LEPR: variants seen among roughly 807,000 people sequenced by gnomAD.
LEPR encodes the protein leptin receptor.
Under a neutral mutation model 114.7 loss-of-function variants are expected in LEPR, and 56 were observed. The ratio of observed to expected loss-of-function variants is 0.49; its 90% CI spans 0.39 to 0.61. The LOEUF (loss-of-function observed/expected upper bound fraction) is 0.61, where lower values mean the gene tolerates loss of function less well. LEPR is among the 20% of genes least tolerant of loss of function. The pLI, the probability that LEPR is intolerant of heterozygous loss-of-function variation, is 0.00. For synonymous variants in LEPR, 443 were observed against 461.4 expected (o/e 0.96, Z 0.51); for missense variants, 1,202 against 1,352.9 (o/e 0.89, Z 1.75).
At chr1:65,444,248 T>C (rs920067411) in intron 2 of LEPR, among the ~76,000 whole-genome samples, 1 of 152,076 alleles carries the variant, frequency 6.6e-6, no homozygotes, top group Admixed American at 6.6e-5. Context: ...GTGAAACTTT[T>C]GCTGCATCTC....
intron 1 of LEPR, among the ~76,000 whole-genome samples, chr1:65,424,275 A>G (rs1646314443): frequency 1.3e-5 from 2 of 152,238 alleles, no homozygotes; most frequent in East Asian, 1.9e-4. Context: ...CATGAAAACA[A>G]TCTTCAAATA....
chr1:65,470,272 C>A (rs934099536), intron 2 of LEPR, among the ~76,000 whole-genome samples: 3 of 152,166 alleles, frequency 2.0e-5, no homozygotes, highest in Admixed American at 1.3e-4. Context: ...CCAAGGAGAT[C>A]AAGTATCATT....
At chr1:65,423,481 A>G (rs1047030317) in intron 1 of LEPR, among the ~76,000 whole-genome samples, 1 of 152,198 alleles carries the variant, frequency 6.6e-6, no homozygotes, top group Admixed American at 6.5e-5. Context: ...GACAGGCCTC[A>G]TGGAGGAGGG....
At chr1:65,480,003 C>T (rs1647202734) in intron 2 of LEPR, among the ~76,000 whole-genome samples, 1 of 152,146 alleles carries the variant, frequency 6.6e-6, no homozygotes, top group Non-Finnish European at 1.5e-5. Flanking sequence ...AAAACAGAAG[C>T]AGGCCAGAAG....
chr1:65,508,258 T>G (rs998195492), intron 2 of LEPR, among the ~76,000 whole-genome samples: 1 of 152,216 alleles, frequency 6.6e-6, no homozygotes, highest in African/African-American at 2.4e-5. Context: ...AAGAAATCAT[T>G]CCCCAGACCA....
At chr1:65,431,748 A>G in intron 2 of LEPR, 1 of 1,557,508 alleles carries the variant, frequency 6.4e-7, no homozygotes, top group Non-Finnish European at 8.7e-7. Context: ...TAGGGATTGC[A>G]AAGAGTACAA....
chr1:65,572,287 GTTGTTTTTTTTT>G (rs1654241529), intron 4 of LEPR, 27 bp from the exon 5 acceptor site: 1 of 975,502 alleles, frequency 1.0e-6, no homozygotes, highest in African/African-American at 2.6e-5. Flanking sequence ...ATTTCATGTA[GTTGTTTTTTTTT>G]TTTTTTTTTT....
At chr1:65,636,064 CTAGT>C in intron 19 of LEPR, 123 bp from the exon 20 acceptor site, 1 of 1,060,584 alleles carries the variant, frequency 9.4e-7, no homozygotes. Context: ...TAGTCAAAAA[CTAGT>C]TAATTTGTGG....
chr1:65,565,137 CTT>C (rs1055401647), intron 2 of LEPR, among the ~76,000 whole-genome samples: 5 of 152,060 alleles, frequency 3.3e-5, no homozygotes, highest in African/African-American at 1.2e-4. Flanking sequence ...AAGATAAAGA[CTT>C]TAGAAAACAG....
intron 2 of LEPR, among the ~76,000 whole-genome samples, chr1:65,538,987 G>A (rs1020553334): frequency 6.7e-6 from 1 of 149,548 alleles, no homozygotes; most frequent in African/African-American, 2.4e-5. Flanking sequence ...TTTTTTTCTG[G>A]AAGTACTGTT....
rs369046233 is a variant in LEPR at position 65,487,873 on chromosome 1, TTTTC to T, written c.-21+62512_-21+62515del. ...GTTAGGAACATTCCAATTCCACTCT[TTTTC>T]TTTCTTTCTTTCTTTCCTTTTCTTT... On this transcript the variant is annotated intron_variant, in intron 2 of 19. Coordinates refer to ENST00000349533, the MANE Select transcript of LEPR (RefSeq NM_002303.6). Among the ~76,000 whole-genome samples the T allele has an allele frequency of 1.7e-3, 252 of 151,870 alleles. 1 individual carries two copies. The highest frequency in any genetic ancestry group is 5.1e-3 in the East Asian group (26 of 5,086).
At chr1:65,626,189 G>C in intron 19 of LEPR, 1 of 1,607,274 alleles carries the variant, frequency 6.2e-7, no homozygotes, top group African/African-American at 1.3e-5. Flanking sequence ...TGTAGACTAC[G>C]TCCTACCTCG....
Position 65,601,848 on chromosome 1 carries a change from A to C in LEPR, c.1291A>C (p.Asn431His). 1 of 1,612,226 alleles carries C rather than the reference A, an allele frequency of 6.2e-7. No individual in the cohort carries two copies. The highest frequency in any genetic ancestry group is 8.5e-7 in the Non-Finnish European group (1 of 1,178,494). The change falls in exon 10 of 20, where the codon AAT (asparagine) becomes CAT (histidine). Residue 431 changes from asparagine (N) to histidine (H), a missense_variant. By Grantham distance (68) the Asn-to-His change is moderately conservative. Transcript: ENST00000349533. ...TTTTAATATGTTTCAAATAGATGTC[A>C]ATATCAATATCTCATGTGAAACTGA... is the stretch of plus-strand genomic sequence containing the variant. ...RYAELYVIDV[N>H]INISCETDGY... is the part of the protein sequence containing the mutation.
chr1:65,431,963 A>G, intron 2 of LEPR: 1 of 1,601,126 alleles, frequency 6.2e-7, no homozygotes, highest in Non-Finnish European at 8.5e-7. Context: ...TAGAACTCAT[A>G]CTATCTGTAT....
At chr1:65,598,831 T>G (rs1263051710) in intron 8 of LEPR, 27 bp downstream of exon 8, 2 of 1,612,766 alleles carry the variant, frequency 1.2e-6, no homozygotes, top group Non-Finnish European at 8.5e-7. Context: ...CCACTTCTAC[T>G]GGGAGGGAAA....
At chr1:65,598,542 G>C in intron 7 of LEPR, 118 bp from the exon 8 acceptor site, 1 of 1,441,200 alleles carries the variant, frequency 6.9e-7, no homozygotes, top group Non-Finnish European at 9.4e-7. Context: ...GCTGTGGCCA[G>C]ATAACTACTG....
At chr1:65,523,603 G>T (rs1649746114) in intron 2 of LEPR, among the ~76,000 whole-genome samples, 1 of 152,138 alleles carries the variant, frequency 6.6e-6, no homozygotes, top group Admixed American at 6.5e-5. Flanking sequence ...GAGCCACCAT[G>T]CCCGGCGATA....
rs796404790 is a variant in LEPR, at chr1:65,435,875, A to G, written c.-21+10497A>G. On this transcript the variant is annotated intron_variant, in intron 2 of 19. Transcript: ENST00000349533. ...TGAAGTACCTTATTGCAAAAATCCC[A>G]CTGAGTAATAGCTCATAAATTATAA... The G allele has an allele frequency of 2.3e-5, 23 of 984,036 alleles. No homozygotes were observed. The African/African-American group carries it at 3.7e-4, about 16-fold the overall frequency. The allele number at this position is 984,036 out of a possible 1,614,324, so 61.0% of individuals were successfully genotyped here. A position where few individuals can be genotyped will look rare whatever the true frequency, so the allele number is the denominator to read the frequency against.
chr1:65,434,328 T>A (rs1398090045), intron 2 of LEPR: 3 of 984,780 alleles, frequency 3.0e-6, no homozygotes, highest in African/African-American at 1.7e-5. Flanking sequence ...GCTCTTTTTT[T>A]ATATATTGTA....
Sources: allele counts gnomAD v4.1 joint callset (sites outside exome capture counted in the v4.1 genomes callset), GRCh38; gene constraint gnomAD v4.1.1; transcripts MANE v1.5; gene names NCBI Gene and HGNC (gene_info 2026-07-23, HGNC 2026-07-21).